Variants in ANKRD13D observed in about 807,000 individuals in gnomAD.
The protein encoded by ANKRD13D is ankyrin repeat domain-containing protein 13D.
Under a neutral mutation model 68.8 loss-of-function variants are expected in ANKRD13D, and 24 were observed. The ratio of observed to expected loss-of-function variants is 0.35; its 90% CI spans 0.25 to 0.49. The LOEUF (loss-of-function observed/expected upper bound fraction) is 0.49. ANKRD13D is among the 20% of genes least tolerant of loss of function. ANKRD13D has a pLI of 0.99. For synonymous variants in ANKRD13D, 331 were observed against 336.1 expected, an observed-to-expected ratio of 0.98 and a Z score of 0.16; for missense variants, 735 against 832.1, an observed-to-expected ratio of 0.88 and a Z score of 1.44.
intron 5 of ANKRD13D, 101 bp downstream of exon 5, chr11:67,291,847 C>G: frequency 1.3e-6 from 2 of 1,532,606 alleles, no homozygotes; most frequent in East Asian, 2.3e-5. Flanking sequence ...GATGTGGAAG[C>G]TGAGGTTGGG....
chr11:67,296,957 A>G (rs1048414986), intron 6 of ANKRD13D, among the ~76,000 whole-genome samples: 1 of 151,866 alleles, frequency 6.6e-6, no homozygotes, highest in African/African-American at 2.4e-5. Flanking sequence ...ACCGTGGTCA[A>G]CCTAGCTAAA....
chr11:67,297,703 T>C (rs1249410599), intron 6 of ANKRD13D, among the ~76,000 whole-genome samples: 3 of 151,532 alleles, frequency 2.0e-5, no homozygotes, highest in African/African-American at 4.9e-5. Context: ...TTTTTTGTAT[T>C]TTTAGTGGAG....
At position 67,301,768 on chromosome 11, in the gene ANKRD13D, G is replaced by A. The variant is rs1274202426; in HGVS notation, c.1549G>A (p.Gly517Ser). ...GGAAGCCCTGACCAACACCCGGCCC[G>A]GTGCCCGCCCTCCTCCCCAGGCCAC... ...VWEALTNTRPGARPPPQATVY... is the reference protein window; with the variant it reads ...VWEALTNTRPSARPPPQATVY... Residue 517 changes from glycine (G) to serine (S), a missense_variant, in exon 14 of 15, where the codon GGT (glycine) becomes AGT (serine). Gly to Ser is a moderately conservative substitution (Grantham distance 56). Transcript: ENST00000511455. The surrounding 1 kb of genome is among the most constrained non-coding windows in gnomAD (Gnocchi z 4.5). The A allele has an allele frequency of 1.2e-5, 20 of 1,610,130 alleles. No homozygotes were observed. The East Asian group carries it at 1.6e-4, about 13-fold the overall frequency.
intron 6 of ANKRD13D, among the ~76,000 whole-genome samples, chr11:67,294,821 T>C (rs1038068900): frequency 1.3e-5 from 2 of 152,240 alleles, no homozygotes; most frequent in African/African-American, 4.8e-5. Context: ...CTAAGGGTTT[T>C]ATTCTTTTTG....
In ANKRD13D at chr11:67,299,570, G is replaced by A; in HGVS notation, c.839G>A (p.Arg280His). ...ATNVELVTRT[R>H]TEHLSDQDKS... ...AACGTGGAGCTGGTGACACGCACAC[G>A]CACGGAGCACCTCTCTGATCAGGAC... is the stretch of plus-strand genomic sequence containing the variant. The change falls in exon 8 of 15, where the codon CGC becomes CAC. Residue 280 changes from arginine to histidine, a missense_variant. Coordinates refer to ENST00000511455, the MANE Select transcript of ANKRD13D (RefSeq NM_207354.3). The surrounding 1 kb of genome is among the most constrained non-coding windows in gnomAD (Gnocchi z 6.2). 4 of 1,551,098 alleles carry A rather than the reference G, an allele frequency of 2.6e-6. No homozygotes were observed. The highest frequency in any genetic ancestry group is 3.5e-6 in the Non-Finnish European group (4 of 1,146,946).
At chr11:67,291,923 G>C (rs972100686) in intron 5 of ANKRD13D, 68 bp from the exon 6 acceptor site, 1 of 1,524,388 alleles carries the variant, frequency 6.6e-7, no homozygotes, top group Non-Finnish European at 8.8e-7. Flanking sequence ...GTACATGATC[G>C]CCCTCTCTGC....
chr11:67,290,224 G>A lies in ANKRD13D; in HGVS notation c.226+11G>A, dbSNP rs1590862610. On this transcript the variant is annotated intron_variant, in intron 2 of 14. Transcript: ENST00000511455. ...GCCAGGGCTGGGCAGGTACTGCAGA[G>A]GACAAGGGGCTCCCCCTGAGGCTGG... is the stretch of plus-strand genomic sequence containing the variant. The A allele has an allele frequency of 6.5e-7, 1 of 1,541,698 alleles. No homozygotes were observed. Among genetic ancestry groups the A allele is most frequent in the East Asian group, 2.4e-5 (1 of 40,910 alleles).
At chr11:67,290,521 T>G in intron 3 of ANKRD13D, 75 bp downstream of exon 3, 1 of 1,489,628 alleles carries the variant, frequency 6.7e-7, no homozygotes, top group South Asian at 1.3e-5. Flanking sequence ...AGGCCTGGCC[T>G]TGGAAAGGCA....
In ANKRD13D at chr11:67,300,665, C is replaced by A; in HGVS notation, c.1074-325C>A. ...GTTTGGCAACACGTGAGCTGGTGAC[C>A]AGCTCTGGGCTGAGGAGGAAAACGG... On this transcript the variant is annotated intron_variant, in intron 10 of 14. Transcript: ENST00000511455. This position sits in a 1 kb window ranked among gnomAD's most constrained non-coding sequence, Gnocchi z 4.3. 2.1e-6 allele frequency: 1 copy of A among 469,564 alleles called. No individual in the cohort carries two copies. The highest frequency in any genetic ancestry group is 3.7e-6 in the Non-Finnish European group (1 of 267,284). The allele number at this position is 469,564 out of a possible 1,614,324, so 29.1% of individuals were successfully genotyped here. A position where few individuals can be genotyped will look rare whatever the true frequency, so the allele number is the denominator to read the frequency against.
chr11:67,302,120 G>A lies in ANKRD13D; in HGVS notation c.1606G>A (p.Ala536Thr), dbSNP rs1363162610. Residue 536 changes from alanine to threonine, a missense_variant and splice_region_variant, in exon 15 of 15, where the codon GCC (alanine) becomes ACC (threonine). By Grantham distance (58) the Ala-to-Thr change is moderately conservative (BLOSUM62 0). Transcript: ENST00000511455. ...VYEEQLQLER[A>T]LQESLQLSTE... Reference sequence around the variant, plus strand: ...TCCCTCCCCTGCCCTGCCTGGAAGGGCCCTCCAGGAAAGCCTGCAGCTGTC... The same window carrying A: ...TCCCTCCCCTGCCCTGCCTGGAAGGACCCTCCAGGAAAGCCTGCAGCTGTC... 6.4e-7 allele frequency: 1 copy of A among 1,566,512 alleles called. No homozygotes were observed. The highest frequency in any genetic ancestry group is 1.4e-5 in the African/African-American group (1 of 73,866).
intron 1 of ANKRD13D, 112 bp from the exon 2 acceptor site, chr11:67,289,966 G>T: frequency 6.2e-6 from 9 of 1,460,558 alleles, no homozygotes; most frequent in Non-Finnish European, 6.3e-6. Flanking sequence ...CATCTCCCTG[G>T]TCAGTCCGCC....
chr11:67,294,120 G>C (rs572126977), intron 6 of ANKRD13D, among the ~76,000 whole-genome samples: 59 of 152,282 alleles, frequency 3.9e-4, no homozygotes, highest in African/African-American at 1.4e-3. Context: ...ATATTATACT[G>C]TCTTAATCAC....
At chr11:67,289,820 G>C in intron 1 of ANKRD13D, 1 of 1,424,018 alleles carries the variant, frequency 7.0e-7, no homozygotes, top group Non-Finnish European at 9.1e-7. Context: ...CTCTGGTCCT[G>C]GTCCCCAGGT....
chr11:67,296,935 C>A (rs1370785943), intron 6 of ANKRD13D, among the ~76,000 whole-genome samples: 1 of 152,058 alleles, frequency 6.6e-6, no homozygotes, highest in Admixed American at 6.6e-5. Context: ...TCTTCTCTCT[C>A]TTTTTTTGCC....
rs1169821505 is a variant in ANKRD13D at position 67,300,855 on chromosome 11, C to T, written c.1074-135C>T. 39 of 1,118,430 alleles carry T rather than the reference C, an allele frequency of 3.5e-5. No homozygotes were observed. The East Asian group carries it at 4.5e-4, about 13-fold the overall frequency. The allele number at this position is 1,118,430 out of a possible 1,614,324, so 69.3% of individuals were successfully genotyped here. The stretch of plus-strand genomic sequence containing the variant: ...ACCAGCTCCCGGGGGAGGCGGGCAG[C>T]GGCATCTGAGCAGAGCAGGGCACTC... On this transcript the variant is annotated intron_variant, in intron 10 of 14. Coordinates refer to ENST00000511455, the MANE Select transcript of ANKRD13D (RefSeq NM_207354.3). The surrounding 1 kb of genome is among the most constrained non-coding windows in gnomAD (Gnocchi z 4.3).
intron 1 of ANKRD13D, 67 bp downstream of exon 1, chr11:67,289,617 T>TGGGGGGGGGGGGGGGGGGGGGGGGGGG: frequency 2.7e-6 from 3 of 1,125,064 alleles, no homozygotes; most frequent in Admixed American, 4.4e-5. Context: ...GCCTCCGTCC[T>TGGGGGGGGGGGGGGGGGGGGGGGGGGG]GGAGCCCCCC....
At position 67,299,950 on chromosome 11, in the gene ANKRD13D, C is replaced by T. The variant is rs1307426417; in HGVS notation, c.943-43C>T. 3 of 1,587,974 alleles carry T rather than the reference C, an allele frequency of 1.9e-6. No homozygotes were observed. The highest frequency in any genetic ancestry group is 1.7e-4 in the Middle Eastern group (1 of 5,930). ...GGCCGAGCCTGGGCGGGAGGGCACCCTCTGTCACCTTGATGGCTGAGTCCG... is the reference window on the plus strand; with the variant it reads ...GGCCGAGCCTGGGCGGGAGGGCACCTTCTGTCACCTTGATGGCTGAGTCCG... On this transcript the variant is annotated intron_variant, in intron 9 of 14. Coordinates refer to ENST00000511455, the MANE Select transcript of ANKRD13D (RefSeq NM_207354.3). The surrounding 1 kb of genome is among the most constrained non-coding windows in gnomAD (Gnocchi z 6.2).
chr11:67,289,621 G>GCCCCCCCCCCCCCCCCCCCC (rs368498130), intron 1 of ANKRD13D, 71 bp downstream of exon 1: 33 of 808,108 alleles, frequency 4.1e-5, no homozygotes, highest in African/African-American at 1.1e-4. Context: ...CCGTCCTGGA[G>GCCCCCCCCCCCCCCCCCCCC]CCCCCCCCCC....
At chr11:67,291,842 G>T in intron 5 of ANKRD13D, 96 bp downstream of exon 5, 1 of 1,536,656 alleles carries the variant, frequency 6.5e-7, no homozygotes. Context: ...TTCCAGATGT[G>T]GAAGCTGAGG....
Sources: allele counts gnomAD v4.1 joint callset (sites outside exome capture counted in the v4.1 genomes callset), GRCh38; gene constraint gnomAD v4.1.1; non-coding constraint Gnocchi (gnomAD v3.1); transcripts MANE v1.5; gene names NCBI Gene and HGNC (gene_info 2026-07-23, HGNC 2026-07-21).